The following ADAMTSL3 variants were observed in gnomAD, a reference collection of about 807,000 sequenced individuals.
ADAMTSL3 encodes the protein ADAMTS like 3.
A neutral mutation model predicts 201.7 loss-of-function variants in ADAMTSL3; 128 were observed. That is an observed-to-expected ratio of 0.63 (90% CI 0.55 to 0.73). The LOEUF is 0.73. Ranked by LOEUF, ADAMTSL3 falls within the 30% of genes least tolerant of loss-of-function variation. The probability of loss-of-function intolerance (pLI) is 0.00; values close to 1 mark genes in which losing one functional copy is unlikely to be tolerated. For missense variants in ADAMTSL3, 1,990 were observed against 2,119.6 expected (o/e 0.94, Z 1.20); for synonymous variants, 738 against 748.4 (o/e 0.99, Z 0.23).
At chr15:83,902,877 G>GCAAACCTATT (rs1158770244) in intron 15 of ADAMTSL3, among the ~76,000 whole-genome samples, 3 of 152,054 alleles carry the variant, frequency 2.0e-5, no homozygotes, top group African/African-American at 7.2e-5. Flanking sequence ...ATAGGAAATT[G>GCAAACCTATT]CAAACCTATT....
At chr15:83,905,495 T>G (rs1490962501) in intron 15 of ADAMTSL3, among the ~76,000 whole-genome samples, 3 of 152,098 alleles carry the variant, frequency 2.0e-5, no homozygotes, top group Non-Finnish European at 4.4e-5. Flanking sequence ...GGAGCAGTAA[T>G]GGCAGCAAGG....
intron 8 of ADAMTSL3, among the ~76,000 whole-genome samples, chr15:83,865,634 A>C (rs1025119847): frequency 2.3e-4 from 35 of 152,224 alleles, no homozygotes; most frequent in Non-Finnish European, 4.6e-4. Flanking sequence ...AAAGACTTAA[A>C]TGTTTGACCT....
chr15:83,784,204 C>T (rs1160090762), intron 4 of ADAMTSL3, among the ~76,000 whole-genome samples: 1 of 152,138 alleles, frequency 6.6e-6, no homozygotes, highest in African/African-American at 2.4e-5. Flanking sequence ...GAGTGTTTTA[C>T]AGGGACCCTC....
In ADAMTSL3 at chr15:83,765,067, G is replaced by A. The variant is rs568488128; in HGVS notation, c.190-8456G>A. On this transcript the variant is annotated intron_variant, in intron 3 of 29. Coordinates refer to ENST00000286744, the MANE Select transcript of ADAMTSL3 (RefSeq NM_207517.3). ...GTAATGAGTTTTGGAGCAGCAGAGG[G>A]TAGAATGGACTGAAGAAGAGAGAAG... 2.8e-3 allele frequency among the ~76,000 whole-genome samples: 428 copies of A among 152,282 alleles called. 3 individuals carry two copies. Among genetic ancestry groups the A allele is most frequent in the Middle Eastern group, 0.01 (3 of 294 alleles).
intron 20 of ADAMTSL3, among the ~76,000 whole-genome samples, chr15:83,981,279 G>T (rs1448748953): frequency 6.6e-6 from 1 of 152,246 alleles, no homozygotes; most frequent in Non-Finnish European, 1.5e-5. Flanking sequence ...GATCTGAGAA[G>T]TATTGTCTTT....
intron 27 of ADAMTSL3, 60 bp from the exon 28 acceptor site, chr15:84,031,275 A>AGT: frequency 6.6e-7 from 1 of 1,516,858 alleles, no homozygotes; most frequent in Non-Finnish European, 9.1e-7. Context: ...ACATGATCTT[A>AGT]GTACACACAG....
chr15:83,832,674 C>G (rs550946032), intron 6 of ADAMTSL3, among the ~76,000 whole-genome samples: 1 of 152,070 alleles, frequency 6.6e-6, no homozygotes, highest in South Asian at 2.1e-4. Flanking sequence ...CCTGGTGATT[C>G]TTTCTGCTTG....
intron 3 of ADAMTSL3, among the ~76,000 whole-genome samples, chr15:83,720,951 T>C (rs1044985304): frequency 7.9e-5 from 12 of 152,330 alleles, no homozygotes; most frequent in African/African-American, 2.9e-4. Flanking sequence ...CTCATGGTTT[T>C]TATGTTAAAA....
chr15:83,654,242 G>C lies in ADAMTSL3; in HGVS notation c.-68G>C, dbSNP rs1000200127. ...GCGCGCGCCGAGCCCGCGCGGCCCC[G>C]GGGCTGCACGTCCCAGATACTTCTG... On this transcript the variant is annotated 5_prime_UTR_variant, in exon 1 of 30. Transcript: ENST00000286744. This position sits in a 1 kb window ranked among gnomAD's most constrained non-coding sequence, Gnocchi z 5.3. 1.1e-4 allele frequency: 16 copies of C among 152,196 alleles called. No homozygotes were observed. The highest frequency in any genetic ancestry group is 1.9e-4 in the Non-Finnish European group (13 of 68,130). The allele number at this position is 152,196 out of a possible 1,614,324, so 9.4% of individuals were successfully genotyped here.
rs1378604645 is a variant in ADAMTSL3 at position 84,036,806 on chromosome 15, C to T, written c.4788C>T (p.Ala1596=). 1 of 1,613,870 alleles carries T rather than the reference C, an allele frequency of 6.2e-7. No homozygotes were observed. Among genetic ancestry groups the T allele is most frequent in the Non-Finnish European group, 8.5e-7 (1 of 1,179,982 alleles). ...PTLRRNCTSG[A]CDVCWHTGPW... ...TAAGAAGGAACTGCACATCAGGGGCCTGTGATGTGTGTTGGCACACAGGCC... is the reference window on the plus strand; with the variant it reads ...TAAGAAGGAACTGCACATCAGGGGCTTGTGATGTGTGTTGGCACACAGGCC... Residue 1596 remains alanine (A), a synonymous_variant, in exon 29 of 30, where the codon GCC becomes GCT. Coordinates refer to ENST00000286744, the MANE Select transcript of ADAMTSL3 (RefSeq NM_207517.3).
chr15:83,977,869 AATCCACCCACAGC>A (rs1358370213), intron 20 of ADAMTSL3, among the ~76,000 whole-genome samples: 1 of 152,210 alleles, frequency 6.6e-6, no homozygotes, highest in Non-Finnish European at 1.5e-5. Flanking sequence ...CTCATTTCAG[AATCCACCCACAGC>A]ATCCCTGGTG....
intron 7 of ADAMTSL3, among the ~76,000 whole-genome samples, chr15:83,857,147 T>C (rs961701776): frequency 3.9e-5 from 6 of 152,180 alleles, no homozygotes; most frequent in African/African-American, 1.4e-4. Context: ...AGTCCTTTTG[T>C]CCTTTTTATT....
At chr15:83,896,354 C>T (rs72746994) in intron 13 of ADAMTSL3, among the ~76,000 whole-genome samples, 18,901 of 151,960 alleles carry the variant, frequency 0.12, 1,335 homozygotes, top group East Asian at 0.35. Flanking sequence ...TCCTCAAAAA[C>T]AAGAATATAA....
chr15:83,996,062 T>C (rs1333648885), intron 23 of ADAMTSL3, among the ~76,000 whole-genome samples: 2 of 152,112 alleles, frequency 1.3e-5, no homozygotes, highest in African/African-American at 4.8e-5. Flanking sequence ...TTTATAAATA[T>C]AAAAAACTCA....
intron 2 of ADAMTSL3, among the ~76,000 whole-genome samples, chr15:83,658,607 C>T (rs111820478): frequency 4.9e-4 from 75 of 152,366 alleles, no homozygotes; most frequent in African/African-American, 1.6e-3. Flanking sequence ...TCCTGTCTCA[C>T]AGGCCCTGGA....
intron 4 of ADAMTSL3, among the ~76,000 whole-genome samples, chr15:83,787,740 C>G (rs956587855): frequency 1.8e-4 from 27 of 152,104 alleles, no homozygotes; most frequent in African/African-American, 6.5e-4. Flanking sequence ...GTTGTAGGCA[C>G]TACGCATTAG....
intron 19 of ADAMTSL3, among the ~76,000 whole-genome samples, chr15:83,966,645 T>A (rs1253010694): frequency 6.6e-6 from 1 of 151,450 alleles, no homozygotes; most frequent in Non-Finnish European, 1.5e-5. Context: ...TTCCAAACAA[T>A]AGAAAAAGAA....
At chr15:83,689,240 C>G (rs978265736) in intron 2 of ADAMTSL3, among the ~76,000 whole-genome samples, 15 of 152,100 alleles carry the variant, frequency 9.9e-5, no homozygotes, top group Non-Finnish European at 1.5e-5. Flanking sequence ...CGTAAGATGG[C>G]TCAGTAATAA....
intron 6 of ADAMTSL3, among the ~76,000 whole-genome samples, chr15:83,830,185 G>A (rs959330253): frequency 4.6e-5 from 7 of 152,138 alleles, no homozygotes; most frequent in South Asian, 4.2e-4. Context: ...TGAGCTGGGC[G>A]TGCCTGTCAA....
Sources: gnomAD v4.1 joint callset for allele counts (sites outside exome capture counted in the v4.1 genomes callset) on GRCh38, gnomAD v4.1.1 for gene constraint, Gnocchi (gnomAD v3.1) non-coding constraint, MANE v1.5 for transcripts, NCBI Gene and HGNC (gene_info 2026-07-23, HGNC 2026-07-21) for gene names.